MAP3K3: variants seen among roughly 807,000 people sequenced by gnomAD.
The protein encoded by MAP3K3 is mitogen-activated protein kinase kinase kinase 3.
MAP3K3 carries 12 observed loss-of-function variants against 80.9 expected under a neutral mutation model. The ratio of observed to expected loss-of-function variants is 0.15; its 90% CI spans 0.10 to 0.24. The LOEUF is 0.24. Ranked by LOEUF, MAP3K3 falls within the 10% of genes least tolerant of loss-of-function variation. The probability of loss-of-function intolerance (pLI) is 1.00; values close to 1 mark genes in which losing one functional copy is unlikely to be tolerated. For missense variants in MAP3K3, 596 were observed against 834.7 expected (o/e 0.71, Z 3.52); for synonymous variants, 272 against 307.1 (o/e 0.89, Z 1.19).
chr17:63,690,921 A>G lies in MAP3K3; in HGVS notation c.1213-181A>G, dbSNP rs1319610440. On this transcript the variant is annotated intron_variant, in intron 12 of 15. Coordinates refer to ENST00000361733, the MANE Select transcript of MAP3K3 (RefSeq NM_002401.5). The stretch of plus-strand genomic sequence containing the variant: ...TCCTTCCACCCATGGGAGTGCCACC[A>G]TCCCAAGGCCTGCCCAGCATTGTGG... 3 of 686,226 alleles carry G rather than the reference A, an allele frequency of 4.4e-6. No individual in the cohort carries two copies. In the African/African-American group the frequency reaches 5.4e-5, roughly 12 times the overall value. 42.5% of individuals were successfully genotyped at this position (686,226 alleles called of 1,614,324 possible).
chr17:63,674,006 G>A (rs1051577438), intron 6 of MAP3K3, among the ~76,000 whole-genome samples: 2 of 151,878 alleles, frequency 1.3e-5, no homozygotes, highest in East Asian at 1.9e-4. Context: ...CTTGAACCCG[G>A]GAGGCGGAGG....
rs760586639 is a variant in MAP3K3 at position 63,632,741 on chromosome 17, G to A, written c.65G>A (p.Arg22His). 6.2e-6 allele frequency: 10 copies of A among 1,614,050 alleles called. No individual in the cohort carries two copies. The highest frequency in any genetic ancestry group is 1.1e-5 in the South Asian group (1 of 91,078). ...CTGGTGGCCCTCCAGATGAACCGACGTCACCGGATGCCTGGATATGAGACC... is the reference window on the plus strand; with the variant it reads ...CTGGTGGCCCTCCAGATGAACCGACATCACCGGATGCCTGGATATGAGACC... Reference protein sequence around the residue: ...NDLVALQMNRRHRMPGYETMK... With the variant: ...NDLVALQMNRHHRMPGYETMK... Residue 22 changes from arginine (R) to histidine (H), a missense_variant, in exon 2 of 16, where the codon CGT (arginine) becomes CAT (histidine). Arg to His is a conservative substitution (Grantham distance 29). Around this residue, in one of 2 missense-constraint regions of MAP3K3, gnomAD observed 232 missense variants for 245.8 expected, o/e 0.94. Coordinates refer to ENST00000361733, the MANE Select transcript of MAP3K3 (RefSeq NM_002401.5).
At position 63,681,750 on chromosome 17, in the gene MAP3K3, C is replaced by T. The variant is rs1453431647; in HGVS notation, c.503-16C>T. The T allele has an allele frequency of 2.1e-6, 3 of 1,420,422 alleles. No homozygotes were observed. In the African/African-American group the frequency reaches 4.4e-5, roughly 21 times the overall value. 88.0% of individuals were successfully genotyped at this position (1,420,422 alleles called of 1,614,324 possible). The stretch of plus-strand genomic sequence containing the variant: ...CCCTGGGCTCTGTTGTTGAAAGCCT[C>T]CTTTATGTGCTCTAGGCTCCCAGAA... On this transcript the variant is annotated splice_polypyrimidine_tract_variant and intron_variant, in intron 6 of 15. Transcript: ENST00000361733.
chr17:63,626,795 G>A (rs894798839), intron 1 of MAP3K3, among the ~76,000 whole-genome samples: 9 of 152,218 alleles, frequency 5.9e-5, no homozygotes, highest in African/African-American at 1.9e-4. Flanking sequence ...TGGGCAGTGC[G>A]ATCAGACGAT....
chr17:63,688,941 G>A (rs1196671036), intron 10 of MAP3K3, 60 bp downstream of exon 10: 2 of 1,322,532 alleles, frequency 1.5e-6, no homozygotes, highest in Non-Finnish European at 2.2e-6. Flanking sequence ...GTTGCCATGG[G>A]GAGGGTGGGT....
At chr17:63,679,685 CCATGCTGGT>C (rs1366555310) in intron 6 of MAP3K3, among the ~76,000 whole-genome samples, 1 of 152,048 alleles carries the variant, frequency 6.6e-6, no homozygotes, top group Non-Finnish European at 1.5e-5. Context: ...ACCATGTTGC[CCATGCTGGT>C]CTCAAACTCC....
In MAP3K3 at chr17:63,674,954, T is replaced by A. The variant is rs2035186589; in HGVS notation, c.503-6812T>A. Among the ~76,000 whole-genome samples, 6 of 152,118 alleles carry A rather than the reference T, an allele frequency of 3.9e-5. No homozygotes were observed. The South Asian group carries it at 1.2e-3, about 32-fold the overall frequency. ...AGCAGTGCTCAGGACCAGCTTCCAG[T>A]CCTAGTACCGATTTGAAAGGGTAGA... On this transcript the variant is annotated intron_variant, in intron 6 of 15. Coordinates refer to ENST00000361733, the MANE Select transcript of MAP3K3 (RefSeq NM_002401.5).
Position 63,689,047 on chromosome 17 carries a change from G to A in MAP3K3, c.871+166G>A. On this transcript the variant is annotated intron_variant, in intron 10 of 15. Transcript: ENST00000361733. This position sits in a 1 kb window ranked among gnomAD's most constrained non-coding sequence, Gnocchi z 4.3. The stretch of plus-strand genomic sequence containing the variant: ...AGGAAAAAAACAAAAACAAAAACAG[G>A]GAAGATAGTATTTGTAGACCAGATG... The A allele has an allele frequency of 1.6e-6, 1 of 612,930 alleles. No individual in the cohort carries two copies. Among genetic ancestry groups the A allele is most frequent in the Non-Finnish European group, 2.9e-6 (1 of 345,856 alleles). 38.0% of individuals were successfully genotyped at this position (612,930 alleles called of 1,614,324 possible).
At chr17:63,683,256 C>T (rs1294791969) in intron 7 of MAP3K3, among the ~76,000 whole-genome samples, 1 of 152,212 alleles carries the variant, frequency 6.6e-6, no homozygotes, top group Non-Finnish European at 1.5e-5. Context: ...CTTCTTCCTT[C>T]TATACTCCTG....
At chr17:63,625,974 G>A (rs909197154) in intron 1 of MAP3K3, among the ~76,000 whole-genome samples, 8 of 152,252 alleles carry the variant, frequency 5.3e-5, no homozygotes, top group Non-Finnish European at 2.9e-5. Flanking sequence ...CCAGGAGACC[G>A]AGGTGGGAAG....
intron 5 of MAP3K3, among the ~76,000 whole-genome samples, chr17:63,658,169 A>G (rs2034811162): frequency 1.3e-5 from 2 of 152,372 alleles, no homozygotes; most frequent in South Asian, 4.1e-4. Flanking sequence ...ATGATAAAGA[A>G]TAAAATTCTT....
intron 2 of MAP3K3, 147 bp downstream of exon 2, chr17:63,632,949 C>A (rs1330238692): frequency 3.8e-6 from 4 of 1,054,972 alleles, no homozygotes; most frequent in African/African-American, 3.2e-5. Context: ...GGAAGTAATA[C>A]ATACCAACCA....
chr17:63,679,420 T>G (rs1312636451), intron 6 of MAP3K3, among the ~76,000 whole-genome samples: 1 of 152,194 alleles, frequency 6.6e-6, no homozygotes, highest in African/African-American at 2.4e-5. Context: ...CTGTAGATGC[T>G]TAGTCCCTGG....
chr17:63,666,381 C>G (rs1453440223), intron 5 of MAP3K3, among the ~76,000 whole-genome samples: 2 of 152,148 alleles, frequency 1.3e-5, no homozygotes, highest in East Asian at 3.9e-4. Flanking sequence ...TACCTATAGT[C>G]TCAGCTAACC....
In MAP3K3 at chr17:63,683,258, A is replaced by G. The variant is rs527959745; in HGVS notation, c.636+1359A>G. On this transcript the variant is annotated intron_variant, in intron 7 of 15. Coordinates refer to ENST00000361733, the MANE Select transcript of MAP3K3 (RefSeq NM_002401.5). ...AGCCCTTTGTACTCTTCTTCCTTCT[A>G]TACTCCTGCCTTCCAGATAAATTCA... 5.9e-5 allele frequency among the ~76,000 whole-genome samples: 9 copies of G among 152,328 alleles called. No homozygotes were observed. The South Asian group carries it at 1.7e-3, about 28-fold the overall frequency.
In MAP3K3 at chr17:63,685,590, G is replaced by C. The variant is rs2035431927; in HGVS notation, c.710G>C (p.Ser237Thr). The C allele has an allele frequency of 6.2e-7, 1 of 1,613,926 alleles. No homozygotes were observed. The highest frequency in any genetic ancestry group is 8.5e-7 in the Non-Finnish European group (1 of 1,179,788). The change falls in exon 8 of 16, where the codon AGC becomes ACC. Residue 237 changes from serine to threonine, a missense_variant and splice_region_variant. Ser to Thr is a moderately conservative substitution (Grantham distance 58). This residue lies in a region of MAP3K3 where 364 missense variants were observed against 588.9 expected (regional missense o/e 0.62). Coordinates refer to ENST00000361733, the MANE Select transcript of MAP3K3 (RefSeq NM_002401.5). ...SCQSLDRSAD[S>T]PSFRKSRMSR... ...CAATCCTTGGACAGGTCAGCAGACA[G>C]GTATGGGACTGTGGGTGGTTTGGAG...
Position 63,689,211 on chromosome 17 carries a change from A to G in MAP3K3, c.871+330A>G. On this transcript the variant is annotated intron_variant, in intron 10 of 15. Transcript: ENST00000361733. This position sits in a 1 kb window ranked among gnomAD's most constrained non-coding sequence, Gnocchi z 4.3. ...GTAAGGAGTAGGATACAAGGAAATC[A>G]GTGCCTTCGGGTGTGGCTTGGCCTT... 1 of 531,054 alleles carries G rather than the reference A, an allele frequency of 1.9e-6. No individual in the cohort carries two copies. The allele number at this position is 531,054 out of a possible 1,614,324, so 32.9% of individuals were successfully genotyped here.
At chr17:63,677,015 T>A (rs535844434) in intron 6 of MAP3K3, among the ~76,000 whole-genome samples, 1 of 152,360 alleles carries the variant, frequency 6.6e-6, no homozygotes, top group South Asian at 2.1e-4. Flanking sequence ...ATCTTACGCC[T>A]ACCCCATATA....
intron 2 of MAP3K3, among the ~76,000 whole-genome samples, chr17:63,640,656 G>A (rs890596125): frequency 2.6e-5 from 4 of 152,004 alleles, no homozygotes; most frequent in African/African-American, 9.7e-5. Context: ...GGATAGCTTC[G>A]ATAAAAAGCA....
Sources: gnomAD v4.1 joint callset for allele counts (sites outside exome capture counted in the v4.1 genomes callset) on GRCh38, gnomAD v4.1.1 for gene constraint, gnomAD v4.1.1 regional missense constraint, Gnocchi (gnomAD v3.1) non-coding constraint, MANE v1.5 for transcripts, NCBI Gene and HGNC (gene_info 2026-07-23, HGNC 2026-07-21) for gene names.